Variants in SMARCAD1 observed in about 807,000 individuals in gnomAD.
SMARCAD1 encodes SNF2 related chromatin remodeling ATPase with DExD box 1.
Under a neutral mutation model 127.1 loss-of-function variants are expected in SMARCAD1, and 25 were observed. That is an observed-to-expected ratio of 0.20 (90% CI 0.14 to 0.27). The LOEUF (loss-of-function observed/expected upper bound fraction) is 0.27, where lower values mean the gene tolerates loss of function less well. SMARCAD1 is among the 10% of genes least tolerant of loss of function. SMARCAD1 has a pLI of 1.00. For synonymous variants in SMARCAD1, 400 were observed against 396.9 expected, an observed-to-expected ratio of 1.01 and a Z score of -0.09; for missense variants, 807 against 1,206.0, an observed-to-expected ratio of 0.67 and a Z score of 4.90.
At chr4:94,252,530 G>A in intron 8 of SMARCAD1, 86 bp from the exon 9 acceptor site, 5 of 920,778 alleles carry the variant, frequency 5.4e-6, no homozygotes, top group Non-Finnish European at 8.0e-6. Context: ...AATAGGAATA[G>A]GTAAATGTTT....
At chr4:94,216,108 T>G (rs1443086902) in intron 2 of SMARCAD1, among the ~76,000 whole-genome samples, 1 of 152,140 alleles carries the variant, frequency 6.6e-6, no homozygotes, top group Non-Finnish European at 1.5e-5. Context: ...CCACAATCTT[T>G]TAACCCCATG....
At chr4:94,220,858 T>C (rs1297525175) in intron 2 of SMARCAD1, among the ~76,000 whole-genome samples, 2 of 152,202 alleles carry the variant, frequency 1.3e-5, no homozygotes, top group African/African-American at 4.8e-5. Context: ...AATCTCAACT[T>C]AGGAGATGTC....
intron 9 of SMARCAD1, among the ~76,000 whole-genome samples, chr4:94,262,561 T>C (rs1047923430): frequency 6.6e-6 from 1 of 152,182 alleles, no homozygotes; most frequent in African/African-American, 2.4e-5. Flanking sequence ...TGCCCATAAG[T>C]TCAGTTTAGA....
chr4:94,211,722 C>G (rs909015455), intron 2 of SMARCAD1, among the ~76,000 whole-genome samples: 1 of 152,158 alleles, frequency 6.6e-6, no homozygotes, highest in African/African-American at 2.4e-5. Context: ...ATCTTTCAAG[C>G]AAGGTCCCAT....
At chr4:94,229,902 A>C (rs748232457) in intron 3 of SMARCAD1, among the ~76,000 whole-genome samples, 7 of 151,800 alleles carry the variant, frequency 4.6e-5, no homozygotes, top group Non-Finnish European at 8.8e-5. Flanking sequence ...TCTGACAGTG[A>C]GAACCCTGAC....
At chr4:94,271,573 A>C (rs1469936496) in intron 11 of SMARCAD1, among the ~76,000 whole-genome samples, 1 of 152,242 alleles carries the variant, frequency 6.6e-6, no homozygotes. Flanking sequence ...GCCTCTAAGA[A>C]AGTAATCTTT....
chr4:94,237,295 T>C lies in SMARCAD1; in HGVS notation c.604+277T>C, dbSNP rs545302902. 3.9e-5 allele frequency among the ~76,000 whole-genome samples: 6 copies of C among 152,232 alleles called. No homozygotes were observed. The South Asian group carries it at 1.2e-3, about 32-fold the overall frequency. Reference sequence around the variant, plus strand: ...TATAATTTCTAGTTGCATTGTGGTTTTATTATAGGTTTACGAATCTTAGTA... The same window carrying C: ...TATAATTTCTAGTTGCATTGTGGTTCTATTATAGGTTTACGAATCTTAGTA... On this transcript the variant is annotated intron_variant, in intron 5 of 23. Coordinates refer to ENST00000354268, the MANE Select transcript of SMARCAD1 (RefSeq NM_020159.5).
chr4:94,284,086 C>A (rs997935389), intron 22 of SMARCAD1, among the ~76,000 whole-genome samples: 1 of 151,362 alleles, frequency 6.6e-6, no homozygotes, highest in African/African-American at 2.4e-5. Context: ...CTTTGGGAGG[C>A]GAAGGCGGGT....
chr4:94,256,613 G>A (rs1253659332), intron 9 of SMARCAD1, among the ~76,000 whole-genome samples: 1 of 152,130 alleles, frequency 6.6e-6, no homozygotes, highest in Non-Finnish European at 1.5e-5. Context: ...TCCACCTGTT[G>A]CGGCCTCTCC....
chr4:94,244,526 C>T lies in SMARCAD1; in HGVS notation c.705+3520C>T, dbSNP rs754459773. Among the ~76,000 whole-genome samples the T allele has an allele frequency of 1.4e-4, 22 of 152,168 alleles. 1 individual carries two copies. The highest frequency in any genetic ancestry group is 2.8e-4 in the Non-Finnish European group (19 of 68,022). ...AGAAAACATGTTCTAGGATTTAAGGCTCCTAAAGGTAACATAACTGTGATA... is the reference window on the plus strand; with the variant it reads ...AGAAAACATGTTCTAGGATTTAAGGTTCCTAAAGGTAACATAACTGTGATA... On this transcript the variant is annotated intron_variant, in intron 6 of 23. Transcript: ENST00000354268.
intron 2 of SMARCAD1, among the ~76,000 whole-genome samples, chr4:94,225,148 A>G (rs1257337251): frequency 6.6e-6 from 1 of 152,228 alleles, no homozygotes; most frequent in Non-Finnish European, 1.5e-5. Flanking sequence ...GAACAGACAG[A>G]TGATACCAAT....
intron 2 of SMARCAD1, among the ~76,000 whole-genome samples, chr4:94,224,721 A>G (rs1744731515): frequency 6.6e-6 from 1 of 152,228 alleles, no homozygotes; most frequent in African/African-American, 2.4e-5. Context: ...TTAGGGTATA[A>G]CAGTTTAGAC....
At chr4:94,280,804 T>A (rs1305869059) in intron 20 of SMARCAD1, 24 bp downstream of exon 20, 1 of 1,609,380 alleles carries the variant, frequency 6.2e-7, no homozygotes, top group African/African-American at 1.3e-5. Context: ...ATGGCGTTTC[T>A]TTTGTATTTT....
intron 2 of SMARCAD1, among the ~76,000 whole-genome samples, chr4:94,212,476 T>C (rs745309641): frequency 1.3e-5 from 2 of 151,020 alleles, no homozygotes; most frequent in South Asian, 4.2e-4. Context: ...CGCCCAGCCC[T>C]ATACATATTT....
At chr4:94,256,950 A>G (rs1252509655) in intron 9 of SMARCAD1, among the ~76,000 whole-genome samples, 1 of 152,206 alleles carries the variant, frequency 6.6e-6, no homozygotes, top group African/African-American at 2.4e-5. Context: ...GTGGGGATTT[A>G]ATGATTTGAA....
chr4:94,277,988 T>C (rs1753534876), intron 16 of SMARCAD1, among the ~76,000 whole-genome samples: 1 of 152,192 alleles, frequency 6.6e-6, no homozygotes, highest in Non-Finnish European at 1.5e-5. Context: ...ATTCCCCATT[T>C]TTAGACCAAG....
Position 94,273,609 on chromosome 4 carries a change from C to A in SMARCAD1, c.1573-8C>A. 1 of 1,608,808 alleles carries A rather than the reference C, an allele frequency of 6.2e-7. No individual in the cohort carries two copies. Among genetic ancestry groups the A allele is most frequent in the Non-Finnish European group, 8.5e-7 (1 of 1,175,900 alleles). On this transcript the variant is annotated splice_region_variant and splice_polypyrimidine_tract_variant and intron_variant, in intron 11 of 23. Coordinates refer to ENST00000354268, the MANE Select transcript of SMARCAD1 (RefSeq NM_020159.5). ...AAAATGTTATATATTGTCTTTTAAA[C>A]TTTTTAGGGCCTAGGAAAAACTATT... is the stretch of plus-strand genomic sequence containing the variant.
At chr4:94,214,822 AATAG>A (rs1688395970) in intron 2 of SMARCAD1, among the ~76,000 whole-genome samples, 1 of 151,980 alleles carries the variant, frequency 6.6e-6, no homozygotes, top group Non-Finnish European at 1.5e-5. Flanking sequence ...TTTTTGCTGA[AATAG>A]ATTTAGTCCT....
intron 3 of SMARCAD1, among the ~76,000 whole-genome samples, chr4:94,231,965 G>T (rs1034159527): frequency 6.6e-6 from 1 of 152,040 alleles, no homozygotes; most frequent in Non-Finnish European, 1.5e-5. Context: ...GGGGTCAGAT[G>T]ATTCTCATGT....
Sources: gnomAD v4.1 joint callset for allele counts (sites outside exome capture counted in the v4.1 genomes callset) on GRCh38, gnomAD v4.1.1 for gene constraint, MANE v1.5 for transcripts, NCBI Gene and HGNC (gene_info 2026-07-23, HGNC 2026-07-21) for gene names.